GRIP2: variants seen among roughly 807,000 people sequenced by gnomAD.
The protein encoded by GRIP2 is glutamate receptor-interacting protein 2.
Under a neutral mutation model 108.3 loss-of-function variants are expected in GRIP2, and 58 were observed. That is an observed-to-expected ratio of 0.54 (90% confidence interval 0.43 to 0.67). GRIP2 has a LOEUF of 0.67. GRIP2 is among the 30% of genes least tolerant of loss of function. The pLI is 0.00. For missense variants in GRIP2, 1,278 were observed against 1,430.6 expected (o/e 0.89, Z 1.72); for synonymous variants, 586 against 598.2 (o/e 0.98, Z 0.30).
At position 14,520,194 on chromosome 3, in the gene GRIP2, G is replaced by T; in HGVS notation, c.946C>A (p.Leu316Ile). The T allele has an allele frequency of 6.2e-7, 1 of 1,613,448 alleles. No homozygotes were observed. Among genetic ancestry groups the T allele is most frequent in the Non-Finnish European group, 8.5e-7 (1 of 1,179,788 alleles). Residue 316 changes from leucine (L) to isoleucine (I), a missense_variant, in exon 9 of 24, where the codon CTC becomes ATC. Coordinates refer to ENST00000621039, the MANE Select transcript of GRIP2 (RefSeq NM_001080423.4). ...EHCSLLEATK[L>I]LASISEKVRL... ...ACCTTCTCTGAAATGCTGGCCAGGAGCTTGGTGGCCTCAAGCAGCGAGCAG... is the reference window on the plus strand; with the variant it reads ...ACCTTCTCTGAAATGCTGGCCAGGATCTTGGTGGCCTCAAGCAGCGAGCAG...
At chr3:14,574,058 G>C in the GRIP2 span, 2 of 1,501,624 alleles carry the variant, frequency 1.3e-6, no homozygotes, top group Non-Finnish European at 1.8e-6. Context: ...CCTGCTGCAC[G>C]TACTTGACGT....
chr3:14,513,200 C>T (rs997385395), intron 13 of GRIP2, among the ~76,000 whole-genome samples: 1 of 152,140 alleles, frequency 6.6e-6, no homozygotes, highest in Non-Finnish European at 1.5e-5. Context: ...CAGGCCGTGG[C>T]TGGGTATTTT....
chr3:14,588,891 A>T, the GRIP2 span, among the ~76,000 whole-genome samples: 2 of 151,878 alleles, frequency 1.3e-5, no homozygotes, highest in Admixed American at 1.3e-4. Context: ...CCATCCAGGG[A>T]CCTCCAAGAC....
intron 19 of GRIP2, among the ~76,000 whole-genome samples, chr3:14,506,414 G>A (rs1035997704): frequency 6.6e-6 from 1 of 152,208 alleles, no homozygotes; most frequent in Admixed American, 6.5e-5. Context: ...GGGTGGGAGG[G>A]GGCTTTTGGC....
chr3:14,552,046 C>T (rs147314581), intron 1 of GRIP2, among the ~76,000 whole-genome samples: 1 of 151,978 alleles, frequency 6.6e-6, no homozygotes, highest in Non-Finnish European at 1.5e-5. Flanking sequence ...AGAGTTTATC[C>T]TTGTCTTCTT....
chr3:14,515,289 A>T (rs1231135590), intron 11 of GRIP2, among the ~76,000 whole-genome samples: 1 of 152,228 alleles, frequency 6.6e-6, no homozygotes, highest in Non-Finnish European at 1.5e-5. Flanking sequence ...GAATAATGCT[A>T]CTATGAACAT....
the GRIP2 span, among the ~76,000 whole-genome samples, chr3:14,594,552 T>A: frequency 1.3e-5 from 2 of 152,144 alleles, no homozygotes; most frequent in African/African-American, 2.4e-5. Flanking sequence ...ACTCAACACA[T>A]GGGTGAATCC....
At chr3:14,547,032 C>A (rs545144768), upstream of GRIP2, among the ~76,000 whole-genome samples, 3 of 152,168 alleles carry the variant, frequency 2.0e-5, no homozygotes, top group Non-Finnish European at 4.4e-5. Flanking sequence ...GTAAAGGTGA[C>A]CTGGGACTCC....
upstream of GRIP2, among the ~76,000 whole-genome samples, chr3:14,546,957 G>A (rs971052972): frequency 5.9e-5 from 9 of 152,274 alleles, no homozygotes; most frequent in African/African-American, 1.9e-4. Context: ...ACTCCTGGAA[G>A]TTATTGCAGA....
In GRIP2 at chr3:14,517,989, G is replaced by C. The variant is rs899049489; in HGVS notation, c.1031-92C>G. 5 of 1,398,404 alleles carry C rather than the reference G, an allele frequency of 3.6e-6. 1 individual carries two copies. The highest frequency in any genetic ancestry group is 3.7e-4 in the Middle Eastern group (2 of 5,432). 86.6% of individuals were successfully genotyped at this position (1,398,404 alleles called of 1,614,324 possible). A position where few individuals can be genotyped will look rare whatever the true frequency, so the allele number is the denominator to read the frequency against. ...GGAAAGCAAGAACCAGAAGATCCTCGTGCTTCCCCTGAGCCAGGCAAGGCA... is the reference window on the plus strand; with the variant it reads ...GGAAAGCAAGAACCAGAAGATCCTCCTGCTTCCCCTGAGCCAGGCAAGGCA... On this transcript the variant is annotated intron_variant, in intron 9 of 23. Transcript: ENST00000621039.
the GRIP2 span, among the ~76,000 whole-genome samples, chr3:14,585,386 G>A: frequency 6.6e-6 from 1 of 152,256 alleles, no homozygotes; most frequent in Non-Finnish European, 1.5e-5. Flanking sequence ...ATTTGAACCT[G>A]ATGTTAGTGA....
At chr3:14,599,683 C>CTGTG in the GRIP2 span, among the ~76,000 whole-genome samples, 7,205 of 104,690 alleles carry the variant, frequency 0.069, 181 homozygotes, top group East Asian at 0.14. Flanking sequence ...CTCTCTCTCT[C>CTGTG]TCTGTGTGTG....
At chr3:14,516,995 C>T in intron 11 of GRIP2, 69 bp downstream of exon 11, 16 of 1,385,948 alleles carry the variant, frequency 1.2e-5, no homozygotes, top group Non-Finnish European at 1.4e-5. Context: ...CCCTGACATA[C>T]ACCCTTTGGC....
rs1694419916 is a variant in GRIP2 at position 14,521,858 on chromosome 3, G to A, written c.567-71C>T. 7.1e-7 allele frequency: 1 copy of A among 1,411,554 alleles called. No homozygotes were observed. The highest frequency in any genetic ancestry group is 2.6e-5 in the East Asian group (1 of 37,992). 87.4% of individuals were successfully genotyped at this position (1,411,554 alleles called of 1,614,324 possible). ...GGCACAGCCTGTCTGGGAGGGCGCT[G>A]GGAAGCGGGACATGGAGGATGAAGA... On this transcript the variant is annotated intron_variant, in intron 6 of 23. Transcript: ENST00000621039. The surrounding 1 kb of genome is among the most constrained non-coding windows in gnomAD (Gnocchi z 5.1).
Position 14,523,040 on chromosome 3 carries a change from G to A in GRIP2, c.526C>T (p.Leu176Phe), listed in dbSNP as rs1694456892. 1.9e-6 allele frequency: 3 copies of A among 1,613,258 alleles called. No individual in the cohort carries two copies. The East Asian group carries it at 6.7e-5, about 36-fold the overall frequency. ...CCGGGCCGCACGTAGGTCAGGACAA[G>A]CGGGCGGGACTTGTGCCCATCTTCA... ...AHEDGHKSRP[L>F]VLTYVRPGGP... Residue 176 changes from leucine (L) to phenylalanine (F), a missense_variant, in exon 6 of 24, where the codon CTT becomes TTT. Transcript: ENST00000621039.
At position 14,512,691 on chromosome 3, in the gene GRIP2, G is replaced by A. The variant is rs1694131537; in HGVS notation, c.1720+86C>T. The A allele has an allele frequency of 1.5e-6, 2 of 1,331,160 alleles. No individual in the cohort carries two copies. Among genetic ancestry groups the A allele is most frequent in the South Asian group, 1.3e-5 (1 of 79,468 alleles). 82.5% of individuals were successfully genotyped at this position (1,331,160 alleles called of 1,614,324 possible). On this transcript the variant is annotated intron_variant, in intron 14 of 23. Coordinates refer to ENST00000621039, the MANE Select transcript of GRIP2 (RefSeq NM_001080423.4). This position sits in a 1 kb window ranked among gnomAD's most constrained non-coding sequence, Gnocchi z 5.1. ...GGGCCCCGCAGGGTGTCACGCCATG[G>A]AAATGCTGGTCTGAGCTTGGCAAGC...
chr3:14,582,128 G>A, the GRIP2 span, among the ~76,000 whole-genome samples: 1 of 152,224 alleles, frequency 6.6e-6, no homozygotes, highest in Admixed American at 6.5e-5. Context: ...TCCCACTGCA[G>A]GGTATAAGAG....
intron 1 of GRIP2, among the ~76,000 whole-genome samples, chr3:14,526,571 C>T (rs921458110): frequency 4.6e-5 from 7 of 152,166 alleles, no homozygotes; most frequent in East Asian, 1.9e-4. Flanking sequence ...TTCGAGAAAG[C>T]GCTCCCTTGT....
intron 16 of GRIP2, among the ~76,000 whole-genome samples, chr3:14,510,195 G>C (rs1213764724): frequency 6.6e-6 from 1 of 150,640 alleles, no homozygotes; most frequent in Admixed American, 6.6e-5. Flanking sequence ...TTGATGACAA[G>C]AAACAGTGGC....
Sources: gnomAD v4.1 joint callset for allele counts (sites outside exome capture counted in the v4.1 genomes callset) on GRCh38, gnomAD v4.1.1 for gene constraint, Gnocchi (gnomAD v3.1) non-coding constraint, MANE v1.5 for transcripts, NCBI Gene and HGNC (gene_info 2026-07-23, HGNC 2026-07-21) for gene names.